The following CFAP92 variants were observed in gnomAD, a reference collection of about 807,000 sequenced individuals.
The protein encoded by CFAP92 is cilia and flagella associated protein 92 (putative).
In CFAP92, 86 loss-of-function variants were observed where a neutral mutation model predicts 106.3. That is an observed-to-expected ratio of 0.81 (90% CI 0.68 to 0.97). The LOEUF (loss-of-function observed/expected upper bound fraction) is 0.97, where lower values mean the gene tolerates loss of function less well. Ranked by LOEUF, CFAP92 falls within the 50% of genes least tolerant of loss-of-function variation. The probability of loss-of-function intolerance (pLI) is 0.00; values close to 1 mark genes in which losing one functional copy is unlikely to be tolerated. For missense variants in CFAP92, 1,204 were observed against 1,283.8 expected, an observed-to-expected ratio of 0.94 and a Z score of 0.95; for synonymous variants, 477 against 506.4, an observed-to-expected ratio of 0.94 and a Z score of 0.78.
At chr3:128,973,770 G>A (rs1373524592) in intron 7 of CFAP92, among the ~76,000 whole-genome samples, 1 of 152,174 alleles carries the variant, frequency 6.6e-6, no homozygotes, top group African/African-American at 2.4e-5. Context: ...GGCCAATGCC[G>A]TGGACTCACA....
At chr3:129,022,087 C>G in the CFAP92 span, among the ~76,000 whole-genome samples, 6 of 152,200 alleles carry the variant, frequency 3.9e-5, no homozygotes, top group African/African-American at 1.4e-4. Context: ...TAAGCATTTA[C>G]CAAGCTTCAG....
chr3:128,962,148 CCTT>C (rs961604794), intron 9 of CFAP92, among the ~76,000 whole-genome samples: 244 of 152,290 alleles, frequency 1.6e-3, no homozygotes, highest in Middle Eastern at 3.4e-3. Flanking sequence ...CTGACTGACT[CCTT>C]CTCGGCTTAG....
chr3:128,950,428 G>A (rs1370098611), intron 9 of CFAP92, among the ~76,000 whole-genome samples: 1 of 152,242 alleles, frequency 6.6e-6, no homozygotes, highest in Non-Finnish European at 1.5e-5. Context: ...GACCTGGAAG[G>A]TGGAGTGAAA....
At chr3:128,940,305 A>G (rs1258781872) in intron 10 of CFAP92, among the ~76,000 whole-genome samples, 1 of 152,214 alleles carries the variant, frequency 6.6e-6, no homozygotes, top group Non-Finnish European at 1.5e-5. Flanking sequence ...TAATCCACAC[A>G]TTAGTGTGGA....
intron 12 of CFAP92, among the ~76,000 whole-genome samples, chr3:128,932,336 C>T (rs748441075): frequency 6.6e-6 from 1 of 151,478 alleles, no homozygotes; most frequent in Non-Finnish European, 1.5e-5. Flanking sequence ...GTTGCTTGGA[C>T]ATCTTATGAC....
chr3:129,004,315 A>G (rs1944962607), upstream of CFAP92, among the ~76,000 whole-genome samples: 1 of 149,838 alleles, frequency 6.7e-6, no homozygotes, highest in Non-Finnish European at 1.5e-5. Flanking sequence ...CTGTCCATCC[A>G]TTCACCCACC....
chr3:128,995,096 A>G (rs553064147), upstream of CFAP92, among the ~76,000 whole-genome samples: 1 of 152,302 alleles, frequency 6.6e-6, no homozygotes, highest in East Asian at 1.9e-4. Flanking sequence ...AGTTTGTTCA[A>G]GAGAATGGGA....
At chr3:128,910,498 C>T (rs1936163188) in intron 15 of CFAP92, among the ~76,000 whole-genome samples, 165 bp from the exon 16 acceptor site, 1 of 152,182 alleles carries the variant, frequency 6.6e-6, no homozygotes, top group Non-Finnish European at 1.5e-5. Flanking sequence ...AGAGCACCTG[C>T]AGATACCAGG....
At position 128,987,679 on chromosome 3, in the gene CFAP92, C is replaced by G; in HGVS notation, c.604G>C (p.Val202Leu). 6.2e-7 allele frequency: 1 copy of G among 1,614,030 alleles called. No individual in the cohort carries two copies. Among genetic ancestry groups the G allele is most frequent in the Middle Eastern group, 1.6e-4 (1 of 6,062 alleles). Residue 202 changes from valine to leucine, a missense_variant, in exon 4 of 16, where the codon GTC becomes CTC. Transcript: ENST00000645291. ...WNTKDKMSRK[V>L]RYYRLKTAGF... ...GCAGTCTTTAATCGGTAATATCTGACTTTTCTTGACATCTTGTCTTTAGTG... is the reference window on the plus strand; with the variant it reads ...GCAGTCTTTAATCGGTAATATCTGAGTTTTCTTGACATCTTGTCTTTAGTG...
Position 128,932,633 on chromosome 3 carries a change from C to T in CFAP92, c.2751+67G>A, listed in dbSNP as rs549708782. 57 of 1,448,876 alleles carry T rather than the reference C, an allele frequency of 3.9e-5. No homozygotes were observed. In the South Asian group the frequency reaches 7.4e-4, roughly 19 times the overall value. The allele number at this position is 1,448,876 out of a possible 1,614,324, so 89.8% of individuals were successfully genotyped here. Reference sequence around the variant, plus strand: ...CCACTCAGGAATATGCCCTATGCCTCTCAGCAGGCGCCTGGACCGCCCAGG... The same window carrying T: ...CCACTCAGGAATATGCCCTATGCCTTTCAGCAGGCGCCTGGACCGCCCAGG... On this transcript the variant is annotated intron_variant, in intron 12 of 15. Coordinates refer to ENST00000645291, the MANE Select transcript of CFAP92 (RefSeq NM_001394090.1).
At chr3:128,940,507 T>A (rs1176238680) in intron 10 of CFAP92, among the ~76,000 whole-genome samples, 1 of 152,246 alleles carries the variant, frequency 6.6e-6, no homozygotes, top group Non-Finnish European at 1.5e-5. Flanking sequence ...ACTTTTGGTT[T>A]CTACCCATCC....
At chr3:129,003,353 C>T, upstream of CFAP92, 1 of 898,140 alleles carries the variant, frequency 1.1e-6, no homozygotes, top group Non-Finnish European at 1.3e-6. Context: ...CCAGTAAAGA[C>T]AGATAGAAAC....
At chr3:128,913,315 A>T (rs1936547088) in intron 15 of CFAP92, among the ~76,000 whole-genome samples, 1 of 152,164 alleles carries the variant, frequency 6.6e-6, no homozygotes. Context: ...TATCCTTCTC[A>T]GGAGATGATG....
At position 128,981,030 on chromosome 3, in the gene CFAP92, TTTTC is replaced by T. The variant is rs1248300287; in HGVS notation, c.668-2849_668-2846del. Among the ~76,000 whole-genome samples, 42 of 151,952 alleles carry T rather than the reference TTTTC, an allele frequency of 2.8e-4. 1 individual carries two copies. In the East Asian group the frequency reaches 5.6e-3, roughly 20 times the overall value. On this transcript the variant is annotated intron_variant, in intron 4 of 15. Coordinates refer to ENST00000645291, the MANE Select transcript of CFAP92 (RefSeq NM_001394090.1). ...GAATGGGGAATCCTTTCCGGAAGCT[TTTTC>T]TTTCTTTTTTTTTTTTTTTCGAGGC...
upstream of CFAP92, among the ~76,000 whole-genome samples, chr3:128,997,508 G>T (rs1365353632): frequency 6.6e-6 from 1 of 152,106 alleles, no homozygotes; most frequent in African/African-American, 2.4e-5. Context: ...TATCTACTTT[G>T]TTTCTAAAAA....
In CFAP92 at chr3:128,915,154, T is replaced by C; in HGVS notation, c.3245A>G (p.Glu1082Gly). Reference protein sequence around the residue: ...DLYKKPPPFLELLPSPAPKPV... With the variant: ...DLYKKPPPFLGLLPSPAPKPV... ...CTTTGGTGCGGGCGAAGGGAGCAGC[T>C]CGAGGAAAGGTGGTGGTTTCTTGTA... The change falls in exon 15 of 16, where the codon GAG (glutamate) becomes GGG (glycine). Residue 1082 changes from glutamate (E) to glycine (G), a missense_variant. By Grantham distance (98) the Glu-to-Gly change is moderately conservative (BLOSUM62 -2). Transcript: ENST00000645291. 1 of 1,536,120 alleles carries C rather than the reference T, an allele frequency of 6.5e-7. No individual in the cohort carries two copies. The highest frequency in any genetic ancestry group is 8.7e-7 in the Non-Finnish European group (1 of 1,146,928).
chr3:128,993,789 C>A (rs767082421), intron 1 of CFAP92, 191 bp downstream of exon 1: 16 of 394,616 alleles, frequency 4.1e-5, no homozygotes, highest in Non-Finnish European at 6.2e-5. Flanking sequence ...GAGGGCAAGC[C>A]CTGTCCCCAA....
chr3:128,961,418 T>C (rs956598836), intron 9 of CFAP92, among the ~76,000 whole-genome samples: 7 of 151,916 alleles, frequency 4.6e-5, no homozygotes, highest in East Asian at 3.9e-4. Flanking sequence ...CCGAGCTAGG[T>C]CCCAATTCTT....
intron 2 of CFAP92, chr3:128,991,701 C>G (rs1196708793): frequency 1.1e-6 from 1 of 927,024 alleles, no homozygotes; most frequent in East Asian, 1.1e-4. Flanking sequence ...TGCACCAAGG[C>G]GTTCATTGAA....
Sources: gnomAD v4.1 joint callset for allele counts (sites outside exome capture counted in the v4.1 genomes callset) on GRCh38, gnomAD v4.1.1 for gene constraint, MANE v1.5 for transcripts, NCBI Gene and HGNC (gene_info 2026-07-23, HGNC 2026-07-21) for gene names.